Variants in CFTR observed in about 807,000 individuals in gnomAD.
CFTR encodes the protein CF transmembrane conductance regulator, also known as cystic fibrosis transmembrane conductance regulator.
Under a neutral mutation model 171.6 loss-of-function variants are expected in CFTR, and 181 were observed. The observed-to-expected ratio is 1.05, with a 90% CI of 0.93 to 1.19. The LOEUF is 1.19. CFTR is among the 50% of genes most tolerant of loss of function. CFTR has a pLI of 0.00. For missense variants in CFTR, 1,968 were observed against 1,734.7 expected (o/e 1.13, Z -2.39); for synonymous variants, 583 against 608.0 (o/e 0.96, Z 0.60).
chr7:117,491,883 C>T (rs866222497), intron 1 of CFTR, among the ~76,000 whole-genome samples: 7 of 151,800 alleles, frequency 4.6e-5, no homozygotes, highest in African/African-American at 4.8e-5. Flanking sequence ...GAGCAGAATG[C>T]GATATGGAAG....
intron 4 of CFTR, among the ~76,000 whole-genome samples, chr7:117,531,778 A>G (rs1798870215): frequency 6.6e-6 from 1 of 152,198 alleles, no homozygotes. Flanking sequence ...TTTCAAAGGC[A>G]TGTGCTTGCA....
intron 20 of CFTR, 126 bp downstream of exon 20, chr7:117,611,934 T>C: frequency 6.3e-6 from 4 of 631,902 alleles, no homozygotes; most frequent in Non-Finnish European, 1.1e-5. Context: ...AATTTGTTGG[T>C]TTATTATTGA....
chr7:117,587,077 C>G (rs1480604409), intron 11 of CFTR, among the ~76,000 whole-genome samples: 1 of 152,008 alleles, frequency 6.6e-6, no homozygotes, highest in Non-Finnish European at 1.5e-5. Flanking sequence ...TTTTACAATG[C>G]CTAGAATGAT....
chr7:117,542,515 C>T (rs1799073159), intron 9 of CFTR, among the ~76,000 whole-genome samples: 1 of 151,584 alleles, frequency 6.6e-6, no homozygotes, highest in Non-Finnish European at 1.5e-5. Flanking sequence ...CCACTGCACT[C>T]CAGCCTGGGC....
chr7:117,552,432 G>C (rs1799288025), intron 10 of CFTR, among the ~76,000 whole-genome samples: 1 of 151,998 alleles, frequency 6.6e-6, no homozygotes. Flanking sequence ...AGGTAATTCA[G>C]ATTTTTTCCC....
At chr7:117,494,399 G>A (rs923355975) in intron 1 of CFTR, among the ~76,000 whole-genome samples, 2 of 151,174 alleles carry the variant, frequency 1.3e-5, no homozygotes, top group South Asian at 2.1e-4. Context: ...TCTAGCATGC[G>A]CTTTGCCTGT....
rs181559773 is a variant in CFTR at position 117,561,480 on chromosome 7, C to A, written c.1584+1825C>A. ...TTACCGTTCCTTTGTAGCTAAGTCTCCCCCATTCCAGCTTTAAACAATCAC... is the reference window on the plus strand; with the variant it reads ...TTACCGTTCCTTTGTAGCTAAGTCTACCCCATTCCAGCTTTAAACAATCAC... On this transcript the variant is annotated intron_variant, in intron 11 of 26. Coordinates refer to ENST00000003084, the MANE Select transcript of CFTR (RefSeq NM_000492.4). 3.3e-5 allele frequency among the ~76,000 whole-genome samples: 5 copies of A among 152,166 alleles called. No individual in the cohort carries two copies. In the East Asian group the frequency reaches 9.6e-4, roughly 29 times the overall value.
chr7:117,518,569 C>CAT (rs72291298), intron 3 of CFTR, among the ~76,000 whole-genome samples: 13,333 of 141,910 alleles, frequency 0.094, 1,736 homozygotes, highest in African/African-American at 0.3. Flanking sequence ...TATATAAAAA[C>CAT]ATATATATAT....
At chr7:117,565,743 A>G (rs1328682895) in intron 11 of CFTR, among the ~76,000 whole-genome samples, 1 of 152,098 alleles carries the variant, frequency 6.6e-6, no homozygotes, top group Non-Finnish European at 1.5e-5. Context: ...TAGTTTCTAA[A>G]CTCTGCTTGG....
At chr7:117,605,004 A>G (rs1191554920) in intron 17 of CFTR, 1 of 152,242 alleles carries the variant, frequency 6.6e-6, no homozygotes, top group Non-Finnish European at 1.5e-5. Context: ...TAAGTGAAGA[A>G]AAGAATATTT....
At chr7:117,547,078 A>G (rs767539311) in intron 9 of CFTR, among the ~76,000 whole-genome samples, 1 of 152,226 alleles carries the variant, frequency 6.6e-6, no homozygotes, top group African/African-American at 2.4e-5. Context: ...TATTTATTAG[A>G]TAAATAAATG....
chr7:117,488,638 A>C lies in CFTR; in HGVS notation c.53+8491A>C, dbSNP rs949834982. Among the ~76,000 whole-genome samples, 8 of 152,216 alleles carry C rather than the reference A, an allele frequency of 5.3e-5. No homozygotes were observed. In the South Asian group the frequency reaches 1.0e-3, roughly 20 times the overall value. On this transcript the variant is annotated intron_variant, in intron 1 of 26. Coordinates refer to ENST00000003084, the MANE Select transcript of CFTR (RefSeq NM_000492.4). ...CAATTTTTTTAAAAAACAATACTGT[A>C]ATCAATTTTCAAATAAAATTTTCCA...
intron 23 of CFTR, among the ~76,000 whole-genome samples, chr7:117,644,134 T>G (rs1172134282): frequency 6.6e-6 from 1 of 152,066 alleles, no homozygotes; most frequent in Non-Finnish European, 1.5e-5. Context: ...CGTTCAGAGA[T>G]TCCTTCAGAA....
intron 1 of CFTR, among the ~76,000 whole-genome samples, chr7:117,503,745 A>ACT (rs1294611635): frequency 6.6e-6 from 1 of 152,194 alleles, no homozygotes; most frequent in South Asian, 2.1e-4. Context: ...CTAATCACTA[A>ACT]CTCTCTGGCT....
chr7:117,594,853 A>G (rs1483297491), intron 14 of CFTR, 77 bp from the exon 15 acceptor site: 1 of 1,301,004 alleles, frequency 7.7e-7, no homozygotes, highest in East Asian at 2.4e-5. Context: ...TTTTATTTTC[A>G]TATATTAAAA....
rs1249793489 is a variant in CFTR, at chr7:117,603,868, G to A, written c.2908+86G>A. 4.1e-6 allele frequency: 6 copies of A among 1,457,912 alleles called. No homozygotes were observed. The Admixed American group carries it at 1.0e-4, about 24-fold the overall frequency. The allele number at this position is 1,457,912 out of a possible 1,614,324, so 90.3% of individuals were successfully genotyped here. A position where few individuals can be genotyped will look rare whatever the true frequency, so the allele number is the denominator to read the frequency against. The stretch of plus-strand genomic sequence containing the variant: ...TGTTGGTTTTCTAATGGCAGTGCTG[G>A]CTTTTGCACAGAGGCATGTGCCCTT... On this transcript the variant is annotated intron_variant, in intron 17 of 26. Transcript: ENST00000003084.
In CFTR at chr7:117,592,513, C is replaced by A. The variant is rs397508369; in HGVS notation, c.2346C>A (p.Asn782Lys). The A allele has an allele frequency of 5.2e-6, 8 of 1,531,422 alleles. No homozygotes were observed. Among genetic ancestry groups the A allele is most frequent in the South Asian group, 1.3e-5 (1 of 75,462 alleles). The allele number at this position is 1,531,422 out of a possible 1,614,324, so 94.9% of individuals were successfully genotyped here. A position where few individuals can be genotyped will look rare whatever the true frequency, so the allele number is the denominator to read the frequency against. ...LMTHSVNQGQ[N>K]IHRKTTASTR... ...CACACTCAGTTAACCAAGGTCAGAACATTCACCGAAAGACAACAGCATCCA... is the reference window on the plus strand; with the variant it reads ...CACACTCAGTTAACCAAGGTCAGAAAATTCACCGAAAGACAACAGCATCCA... The change falls in exon 14 of 27, where the codon AAC becomes AAA. Residue 782 changes from asparagine to lysine, a missense_variant. Coordinates refer to ENST00000003084, the MANE Select transcript of CFTR (RefSeq NM_000492.4).
chr7:117,517,574 T>C (rs1798614305), intron 3 of CFTR, among the ~76,000 whole-genome samples: 1 of 152,220 alleles, frequency 6.6e-6, no homozygotes, highest in African/African-American at 2.4e-5. Flanking sequence ...ATGTACCCAG[T>C]AATGGGATTG....
At chr7:117,511,617 A>T (rs1369161390) in intron 3 of CFTR, among the ~76,000 whole-genome samples, 1 of 152,188 alleles carries the variant, frequency 6.6e-6, no homozygotes, top group Non-Finnish European at 1.5e-5. Context: ...TGTGTAGGTG[A>T]GAAGGCAGAG....
Sources: gnomAD v4.1 joint callset for allele counts (sites outside exome capture counted in the v4.1 genomes callset) on GRCh38, gnomAD v4.1.1 for gene constraint, MANE v1.5 for transcripts, NCBI Gene and HGNC (gene_info 2026-07-23, HGNC 2026-07-21) for gene names.